SCARB1: variants seen among roughly 807,000 people sequenced by gnomAD.
SCARB1 encodes scavenger receptor class B member 1, also known as CD36 and LIMPII analogous 1.
Under a neutral mutation model 57.2 loss-of-function variants are expected in SCARB1, and 30 were observed. The observed-to-expected ratio is 0.52, with a 90% confidence interval of 0.39 to 0.71. SCARB1 has a LOEUF of 0.71. SCARB1 is among the 30% of genes least tolerant of loss of function. The pLI is 0.00. For synonymous variants in SCARB1, 249 were observed against 268.3 expected (o/e 0.93, Z 0.70); for missense variants, 543 against 671.2 (o/e 0.81, Z 2.11).
chr12:124,804,633 G>C (rs1284695251), intron 7 of SCARB1, among the ~76,000 whole-genome samples: 3 of 152,228 alleles, frequency 2.0e-5, no homozygotes, highest in African/African-American at 7.2e-5. Flanking sequence ...AGACGGGCCA[G>C]ACAGGACCAG....
chr12:124,843,299 G>C lies in SCARB1; in HGVS notation c.126+20296C>G, dbSNP rs12299310. ...TTACTTTCTGTGGAGATGGGGGGGG[G>C]GGTCTTACTATGTTACCCAGGCTGG... On this transcript the variant is annotated intron_variant, in intron 1 of 12. Coordinates refer to ENST00000261693, the MANE Select transcript of SCARB1 (RefSeq NM_005505.5). Among the ~76,000 whole-genome samples, 816 of 143,368 alleles carry C rather than the reference G, an allele frequency of 5.7e-3. 26 individuals carry two copies. The highest frequency in any genetic ancestry group is 0.019 in the African/African-American group (717 of 38,718). The allele number at this position is 143,368 out of a possible 152,430, so 94.1% of individuals were successfully genotyped here.
At chr12:124,841,373 CAAAAA>C (rs147734175) in intron 1 of SCARB1, among the ~76,000 whole-genome samples, 1 of 87,102 alleles carries the variant, frequency 1.1e-5, no homozygotes, top group Non-Finnish European at 2.2e-5. Flanking sequence ...GACTCCGTCT[CAAAAA>C]AAAAAAAAAA....
intron 1 of SCARB1, among the ~76,000 whole-genome samples, chr12:124,820,743 T>A (rs989949355): frequency 2.6e-5 from 4 of 152,048 alleles, no homozygotes. Flanking sequence ...GGAAAATGTG[T>A]TCGGGGAGTA....
intron 1 of SCARB1, among the ~76,000 whole-genome samples, chr12:124,829,031 A>C (rs1427749437): frequency 6.6e-6 from 1 of 152,186 alleles, no homozygotes; most frequent in Non-Finnish European, 1.5e-5. Flanking sequence ...AGGCTAATCC[A>C]ATCTGGGACT....
chr12:124,791,340 C>A (rs1385903997), intron 9 of SCARB1, among the ~76,000 whole-genome samples: 1 of 152,146 alleles, frequency 6.6e-6, no homozygotes. Flanking sequence ...GGCCTTGGGA[C>A]CCCTGACACA....
chr12:124,804,517 C>G (rs1019510724), intron 7 of SCARB1, among the ~76,000 whole-genome samples: 6 of 152,282 alleles, frequency 3.9e-5, no homozygotes, highest in Admixed American at 2.0e-4. Context: ...CTGCCACTTG[C>G]GACAGTTGCT....
At chr12:124,854,858 C>T (rs78582065) in intron 1 of SCARB1, among the ~76,000 whole-genome samples, 3,051 of 152,188 alleles carry the variant, frequency 0.02, 60 homozygotes, top group Non-Finnish European at 0.03. Flanking sequence ...GAGATACGGA[C>T]TCTGCTGTTG....
chr12:124,805,464 G>A (rs1274667781), intron 7 of SCARB1, among the ~76,000 whole-genome samples: 4 of 152,038 alleles, frequency 2.6e-5, no homozygotes, highest in East Asian at 1.9e-4. Flanking sequence ...CAGAGAGGCC[G>A]GTAGGGGCTG....
At chr12:124,791,910 C>T (rs1400643566) in intron 9 of SCARB1, among the ~76,000 whole-genome samples, 2 of 151,464 alleles carry the variant, frequency 1.3e-5, no homozygotes, top group Non-Finnish European at 2.9e-5. Flanking sequence ...GCCGAAATCG[C>T]GCCATTGTAC....
In SCARB1 at chr12:124,826,942, A is replaced by G. The variant is rs1049360193; in HGVS notation, c.127-9235T>C. 1.6e-4 allele frequency among the ~76,000 whole-genome samples: 24 copies of G among 152,274 alleles called. No individual in the cohort carries two copies. The South Asian group carries it at 2.3e-3, about 14-fold the overall frequency. ...TTCAGGGAAATGATACCTGCAAACAATCTCAGGAGAGGGCTGGGGGCTGGG... is the reference window on the plus strand; with the variant it reads ...TTCAGGGAAATGATACCTGCAAACAGTCTCAGGAGAGGGCTGGGGGCTGGG... On this transcript the variant is annotated intron_variant, in intron 1 of 12. Coordinates refer to ENST00000261693, the MANE Select transcript of SCARB1 (RefSeq NM_005505.5).
chr12:124,815,146 G>A (rs369318802), intron 2 of SCARB1, 32 bp from the exon 3 acceptor site: 54 of 1,609,628 alleles, frequency 3.4e-5, no homozygotes, highest in African/African-American at 3.3e-4. Flanking sequence ...CAGACGCCCC[G>A]CCCCGCTGCA....
intron 1 of SCARB1, among the ~76,000 whole-genome samples, chr12:124,818,760 C>T (rs1025170442): frequency 6.6e-6 from 1 of 151,998 alleles, no homozygotes; most frequent in African/African-American, 2.4e-5. Context: ...GTTCTCCTCC[C>T]TCAGCCTCCC....
chr12:124,778,997 C>A (rs1872854525), intron 12 of SCARB1, among the ~76,000 whole-genome samples: 1 of 152,186 alleles, frequency 6.6e-6, no homozygotes, highest in South Asian at 2.1e-4. Context: ...GTCGCCCAGG[C>A]TGGAGTACGG....
chr12:124,801,685 C>T (rs1950135326), intron 7 of SCARB1, among the ~76,000 whole-genome samples: 1 of 151,980 alleles, frequency 6.6e-6, no homozygotes, highest in Non-Finnish European at 1.5e-5. Flanking sequence ...GAGGCTGAGG[C>T]AGGAGAATTG....
chr12:124,828,907 G>A (rs1484710180), intron 1 of SCARB1, among the ~76,000 whole-genome samples: 1 of 152,168 alleles, frequency 6.6e-6, no homozygotes, highest in Non-Finnish European at 1.5e-5. Flanking sequence ...CTGGGACAAG[G>A]CCAGGCCCTG....
Position 124,811,891 on chromosome 12 carries a change from G to A in SCARB1, c.705C>T (p.Asp235=). ...TCACCTTGCTCAGCCCGTTCCACTT[G>A]TCCACGAGGTGGATCCTGCTGATGT... The part of the protein sequence containing the change: ...VQNISRIHLV[D]KWNGLSKVDF... Residue 235 remains aspartate, a synonymous_variant, in exon 5 of 13, where the codon GAC becomes GAT. Coordinates refer to ENST00000261693, the MANE Select transcript of SCARB1 (RefSeq NM_005505.5). 1 of 1,612,724 alleles carries A rather than the reference G, an allele frequency of 6.2e-7. No individual in the cohort carries two copies. Among genetic ancestry groups the A allele is most frequent in the South Asian group, 1.1e-5 (1 of 90,652 alleles).
At chr12:124,850,967 T>G (rs755501270) in intron 1 of SCARB1, among the ~76,000 whole-genome samples, 2 of 152,134 alleles carry the variant, frequency 1.3e-5, no homozygotes, top group Non-Finnish European at 2.9e-5. Flanking sequence ...GGGCAAGAAC[T>G]ACTTCCCTCC....
intron 11 of SCARB1, chr12:124,783,423 G>A (rs764970048): frequency 6.6e-6 from 1 of 152,164 alleles, no homozygotes; most frequent in Non-Finnish European, 1.5e-5. Flanking sequence ...AAAATATGTT[G>A]AGTTTACCCG....
chr12:124,822,891 A>G lies in SCARB1; in HGVS notation c.127-5184T>C, dbSNP rs1950999984. Among the ~76,000 whole-genome samples the G allele has an allele frequency of 6.6e-6, 1 of 152,228 alleles. No homozygotes were observed. Among genetic ancestry groups the G allele is most frequent in the Non-Finnish European group, 1.5e-5 (1 of 68,048 alleles). ...CCACAAAGCAAGACCCTGTCTGAAA[A>G]AAACAACAGCAACACCACCACCCAT... On this transcript the variant is annotated intron_variant, in intron 1 of 12. Transcript: ENST00000261693. The surrounding 1 kb of genome is among the most constrained non-coding windows in gnomAD (Gnocchi z 5.0).
Sources: gnomAD v4.1 joint callset for allele counts (sites outside exome capture counted in the v4.1 genomes callset) on GRCh38, gnomAD v4.1.1 for gene constraint, Gnocchi (gnomAD v3.1) non-coding constraint, MANE v1.5 for transcripts, NCBI Gene and HGNC (gene_info 2026-07-23, HGNC 2026-07-21) for gene names.